The following SPATA18 variants were observed in gnomAD, a reference collection of about 807,000 sequenced individuals.
The protein encoded by SPATA18 is spermatogenesis associated 18.
Under a neutral mutation model 68.1 loss-of-function variants are expected in SPATA18, and 54 were observed. The ratio of observed to expected loss-of-function variants is 0.79; its 90% CI spans 0.64 to 0.99. SPATA18 has a LOEUF of 0.99. SPATA18 is among the 50% of genes least tolerant of loss of function. SPATA18 has a pLI of 0.00. For missense variants in SPATA18, 724 were observed against 681.1 expected (o/e 1.06, Z -0.70); for synonymous variants, 242 against 244.8 (o/e 0.99, Z 0.11).
Position 52,062,201 on chromosome 4 carries a change from T to C in SPATA18, c.310-19T>C. 2.2e-6 allele frequency: 3 copies of C among 1,380,404 alleles called. No individual in the cohort carries two copies. The highest frequency in any genetic ancestry group is 3.0e-6 in the Non-Finnish European group (3 of 1,013,058). 85.5% of individuals were successfully genotyped at this position (1,380,404 alleles called of 1,614,324 possible). A position where few individuals can be genotyped will look rare whatever the true frequency, so the allele number is the denominator to read the frequency against. ...TATTCAGACTGTTTTTTTTTTTTTT[T>C]TTTGGTGTATCTTTCCAGGACACGT... is the stretch of plus-strand genomic sequence containing the variant. On this transcript the variant is annotated intron_variant, in intron 3 of 12. Coordinates refer to ENST00000295213, the MANE Select transcript of SPATA18 (RefSeq NM_145263.4).
intron 11 of SPATA18, among the ~76,000 whole-genome samples, chr4:52,093,350 T>C (rs1387915474): frequency 5.3e-5 from 8 of 152,198 alleles, no homozygotes; most frequent in Non-Finnish European, 8.8e-5. Context: ...AGTATTTAAT[T>C]TGGTGTTTTA....
At chr4:52,063,875 C>A (rs759775987) in intron 4 of SPATA18, among the ~76,000 whole-genome samples, 1 of 152,050 alleles carries the variant, frequency 6.6e-6, no homozygotes, top group Non-Finnish European at 1.5e-5. Context: ...TAGCTAGCAA[C>A]GGCTGCAGAT....
chr4:52,094,437 T>A, intron 11 of SPATA18, 90 bp from the exon 12 acceptor site: 2 of 1,268,266 alleles, frequency 1.6e-6, no homozygotes, highest in Non-Finnish European at 2.3e-6. Context: ...AGCTATTTGG[T>A]TGGTTTTAGG....
In SPATA18 at chr4:52,094,781, T is replaced by G. The variant is rs1742290779; in HGVS notation, c.1610-99T>G. The G allele has an allele frequency of 5.3e-6, 8 of 1,522,180 alleles. No homozygotes were observed. In the South Asian group the frequency reaches 9.0e-5, roughly 17 times the overall value. 94.3% of individuals were successfully genotyped at this position (1,522,180 alleles called of 1,614,324 possible). ...GGAGCTTCCAACCAAGAGGCTTCAT[T>G]GCCATAAACCTAGATTAACCGCCTC... On this transcript the variant is annotated intron_variant, in intron 12 of 12. Coordinates refer to ENST00000295213, the MANE Select transcript of SPATA18 (RefSeq NM_145263.4).
chr4:52,067,455 G>C (rs1328521826), intron 4 of SPATA18, among the ~76,000 whole-genome samples: 1 of 152,120 alleles, frequency 6.6e-6, no homozygotes, highest in East Asian at 1.9e-4. Flanking sequence ...TGATCTGGCT[G>C]TATTTCTGCT....
chr4:52,076,805 C>A lies in SPATA18; in HGVS notation c.785C>A (p.Pro262His). 1 of 1,614,082 alleles carries A rather than the reference C, an allele frequency of 6.2e-7. No individual in the cohort carries two copies. Among genetic ancestry groups the A allele is most frequent in the Admixed American group, 1.7e-5 (1 of 60,012 alleles). The change falls in exon 7 of 13, where the codon CCT becomes CAT. Residue 262 changes from proline (P) to histidine (H), a missense_variant. Pro to His is a moderately conservative substitution (Grantham distance 77). Coordinates refer to ENST00000295213, the MANE Select transcript of SPATA18 (RefSeq NM_145263.4). ...TCCTCCAGGAGCCGGTCTCCCAGCCCTGCCCCTCGCAGCCGTAGCTGCAGC... is the reference window on the plus strand; with the variant it reads ...TCCTCCAGGAGCCGGTCTCCCAGCCATGCCCCTCGCAGCCGTAGCTGCAGC... ...GRSSRSRSPS[P>H]APRSRSCSRS...
At chr4:52,086,326 G>A (rs1487562644) in intron 11 of SPATA18, among the ~76,000 whole-genome samples, 1 of 152,030 alleles carries the variant, frequency 6.6e-6, no homozygotes, top group Non-Finnish European at 1.5e-5. Flanking sequence ...TTGTTACATA[G>A]GTATACACGT....
At position 52,094,577 on chromosome 4, in the gene SPATA18, G is replaced by A; in HGVS notation, c.1609+5G>A. The A allele has an allele frequency of 6.2e-7, 1 of 1,613,730 alleles. No individual in the cohort carries two copies. Among genetic ancestry groups the A allele is most frequent in the Non-Finnish European group, 8.5e-7 (1 of 1,179,724 alleles). ...CAATAAGATGTGGATTGCCAAGTAA[G>A]TGGGATTAGTTCAGATGGATCAAAT... On this transcript the variant is annotated splice_donor_5th_base_variant and intron_variant, in intron 12 of 12. Transcript: ENST00000295213.
chr4:52,057,521 T>C (rs902925822), intron 1 of SPATA18, among the ~76,000 whole-genome samples: 2 of 152,202 alleles, frequency 1.3e-5, no homozygotes, highest in African/African-American at 2.4e-5. Context: ...ACCATTCCTC[T>C]GGGTACCCAG....
chr4:52,092,243 G>A (rs745613958), intron 11 of SPATA18, among the ~76,000 whole-genome samples: 18 of 151,866 alleles, frequency 1.2e-4, no homozygotes, highest in Admixed American at 5.2e-4. Context: ...TGTTCCAGGC[G>A]CCACTGGGAT....
chr4:52,076,711 A>G, intron 6 of SPATA18, 68 bp from the exon 7 acceptor site: 1 of 1,586,526 alleles, frequency 6.3e-7, no homozygotes, highest in Middle Eastern at 1.7e-4. Flanking sequence ...ATTGGCCACC[A>G]GATGATCTTT....
Position 52,077,188 on chromosome 4 carries a change from T to TCTTTCTTCCTCCTTCC in SPATA18, c.1020+163_1020+178dup. 11 of 846,576 alleles carry TCTTTCTTCCTCCTTCC rather than the reference T, an allele frequency of 1.3e-5. No homozygotes were observed. In the South Asian group the frequency reaches 2.2e-4, roughly 17 times the overall value. The allele number at this position is 846,576 out of a possible 1,614,324, so 52.4% of individuals were successfully genotyped here. On this transcript the variant is annotated intron_variant, in intron 7 of 12. Coordinates refer to ENST00000295213, the MANE Select transcript of SPATA18 (RefSeq NM_145263.4). Reference sequence around the variant, plus strand: ...GTCTCCCCATCTGTCTCCTTCCTTCTCTTTCTTCCTCCTTCCCTTTCTTCC... The same window carrying TCTTTCTTCCTCCTTCC: ...GTCTCCCCATCTGTCTCCTTCCTTCTCTTTCTTCCTCCTTCCCTTTCTTCCTCCTTCCCTTTCTTCC...
intron 6 of SPATA18, among the ~76,000 whole-genome samples, chr4:52,076,192 G>C (rs1740324864): frequency 2.0e-5 from 3 of 152,154 alleles, no homozygotes; most frequent in Non-Finnish European, 4.4e-5. Context: ...TTAGGGGATG[G>C]AGCAGATGGG....
chr4:52,093,276 G>A (rs1479181988), intron 11 of SPATA18, among the ~76,000 whole-genome samples: 2 of 152,312 alleles, frequency 1.3e-5, no homozygotes, highest in African/African-American at 2.4e-5. Flanking sequence ...AAGGGCTAGA[G>A]TCATCAGATG....
chr4:52,059,862 C>T (rs777767451), intron 1 of SPATA18, among the ~76,000 whole-genome samples: 25 of 152,286 alleles, frequency 1.6e-4, no homozygotes, highest in Non-Finnish European at 2.9e-4. Flanking sequence ...CAGGTAAATT[C>T]GGCAGTCATT....
At chr4:52,054,777 G>C (rs749984027) in intron 1 of SPATA18, among the ~76,000 whole-genome samples, 25 of 151,664 alleles carry the variant, frequency 1.6e-4, no homozygotes, top group Non-Finnish European at 3.5e-4. Context: ...TGTGGAACGG[G>C]AGGGGATCAG....
At position 52,079,856 on chromosome 4, in the gene SPATA18, A is replaced by T; in HGVS notation, c.1292A>T (p.Gln431Leu). 6.2e-7 allele frequency: 1 copy of T among 1,614,114 alleles called. No individual in the cohort carries two copies. The highest frequency in any genetic ancestry group is 8.5e-7 in the Non-Finnish European group (1 of 1,179,962). ...ATATGTTGCATTGCCTTTGCAATGC[A>T]GGCCTTAGAACCACCCCTAGATATT... is the stretch of plus-strand genomic sequence containing the variant. ...QEICCIAFAM[Q>L]ALEPPLDIAY... Residue 431 changes from glutamine (Q) to leucine (L), a missense_variant, in exon 9 of 13, where the codon CAG (glutamine) becomes CTG (leucine). Physicochemically the swap from Gln to Leu is moderately radical, Grantham distance 113 (BLOSUM62 -2). Transcript: ENST00000295213.
intron 11 of SPATA18, 85 bp downstream of exon 11, chr4:52,085,084 G>C (rs1741306378): frequency 9.3e-7 from 1 of 1,072,016 alleles, no homozygotes; most frequent in Non-Finnish European, 1.4e-6. Flanking sequence ...CAAAAGAGGT[G>C]ATTATAAGTC....
chr4:52,076,392 T>C (rs77762837), intron 6 of SPATA18, among the ~76,000 whole-genome samples: 6,815 of 152,240 alleles, frequency 0.045, 416 homozygotes, highest in African/African-American at 0.14. Flanking sequence ...CCAGAACATA[T>C]CCTTTTTGAG....
Sources: gnomAD v4.1 joint callset for allele counts (sites outside exome capture counted in the v4.1 genomes callset) on GRCh38, gnomAD v4.1.1 for gene constraint, MANE v1.5 for transcripts, NCBI Gene and HGNC (gene_info 2026-07-23, HGNC 2026-07-21) for gene names.